GPR19: variants seen among roughly 807,000 people sequenced by gnomAD.
GPR19 encodes G protein-coupled receptor 19, also known as probable G protein-coupled receptor 19.
In GPR19, 14 loss-of-function variants were observed where a neutral mutation model predicts 28.5. The observed-to-expected ratio is 0.49, with a 90% CI of 0.32 to 0.77. The LOEUF is 0.77. Among genes scored for constraint, GPR19 ranks in the 30% least tolerant of loss-of-function variants. The pLI is 0.03. For missense variants in GPR19, 409 were observed against 504.1 expected (o/e 0.81, Z 1.81); for synonymous variants, 173 against 184.1 (o/e 0.94, Z 0.49).
upstream of GPR19, among the ~76,000 whole-genome samples, chr12:12,698,241 C>A (rs1946292126): frequency 6.6e-6 from 1 of 152,108 alleles, no homozygotes; most frequent in Non-Finnish European, 1.5e-5. Flanking sequence ...GAAAAAAAAT[C>A]TTTGGTGAGT....
At chr12:12,673,986 T>C (rs1392668059) in intron 3 of GPR19, among the ~76,000 whole-genome samples, 4 of 151,568 alleles carry the variant, frequency 2.6e-5, no homozygotes, top group African/African-American at 9.7e-5. Context: ...CCGAGGCAGG[T>C]GGATCACTTG....
intron 3 of GPR19, among the ~76,000 whole-genome samples, chr12:12,681,398 T>C (rs552750018): frequency 7.2e-5 from 11 of 152,338 alleles, no homozygotes; most frequent in African/African-American, 2.6e-4. Context: ...CACCTCTAGG[T>C]TGAAATCATA....
chr12:12,704,946 C>T, the GPR19 span, among the ~76,000 whole-genome samples: 1 of 152,108 alleles, frequency 6.6e-6, no homozygotes, highest in African/African-American at 2.4e-5. Flanking sequence ...GTCAAACAAT[C>T]TTATCCTGAG....
chr12:12,673,756 A>G (rs1945889191), intron 3 of GPR19, among the ~76,000 whole-genome samples: 1 of 152,180 alleles, frequency 6.6e-6, no homozygotes. Flanking sequence ...AAGGTGGGCA[A>G]AGGTAGGATG....
At chr12:12,669,836 G>A (rs1015028255) in intron 3 of GPR19, among the ~76,000 whole-genome samples, 2 of 152,152 alleles carry the variant, frequency 1.3e-5, no homozygotes, top group Non-Finnish European at 2.9e-5. Flanking sequence ...AAGCTCTTCT[G>A]AAGCTTCCTA....
chr12:12,713,950 A>G, the GPR19 span, among the ~76,000 whole-genome samples: 1 of 152,036 alleles, frequency 6.6e-6, no homozygotes, highest in South Asian at 2.1e-4. Flanking sequence ...ACCTCCTTAC[A>G]TAGTATGTAC....
At chr12:12,716,614 T>G in the GPR19 span, 1 of 183,400 alleles carries the variant, frequency 5.5e-6, no homozygotes, top group South Asian at 2.8e-4. Context: ...GAGTTTTTTG[T>G]TTTTTTTTTT....
the GPR19 span, chr12:12,717,222 G>A: frequency 2.9e-6 from 3 of 1,050,478 alleles, no homozygotes; most frequent in South Asian, 4.5e-5. Context: ...TCGGGGAGGC[G>A]GCGCGCTCGG....
At chr12:12,671,401 C>T (rs971945844) in intron 3 of GPR19, among the ~76,000 whole-genome samples, 1 of 152,066 alleles carries the variant, frequency 6.6e-6, no homozygotes, top group African/African-American at 2.4e-5. Context: ...CCTGAAACTC[C>T]TGGTGCCACA....
chr12:12,683,255 G>A (rs1377188154), intron 3 of GPR19, among the ~76,000 whole-genome samples: 1 of 152,226 alleles, frequency 6.6e-6, no homozygotes, highest in African/African-American at 2.4e-5. Flanking sequence ...TGGGGGTACA[G>A]AATGTGACTA....
At chr12:12,686,962 G>A (rs566919682) in intron 2 of GPR19, among the ~76,000 whole-genome samples, 1 of 152,250 alleles carries the variant, frequency 6.6e-6, no homozygotes, top group African/African-American at 2.4e-5. Context: ...CATAAAACAT[G>A]TTACATAATA....
rs141635239 is a variant in GPR19 at position 12,661,927 on chromosome 12, C to T, written c.522G>A (p.Lys174=). ...FYTIVYPLSF[K]VSREKAKKMI... is the part of the protein sequence containing the mutation. ...TTTTCTTGGCTTTTTCTCTGGACAC[C>T]TTGAAGCTCAGAGGATAGACGATGG... The change falls in exon 4 of 4, where the codon AAG becomes AAA. Residue 174 remains lysine, a synonymous_variant. Coordinates refer to ENST00000651487, the MANE Select transcript of GPR19 (RefSeq NM_006143.3). This position sits in a 1 kb window ranked among gnomAD's most constrained non-coding sequence, Gnocchi z 4.2. The T allele has an allele frequency of 6.1e-5, 98 of 1,614,236 alleles. No individual in the cohort carries two copies. The African/African-American group carries it at 1.1e-3, about 18-fold the overall frequency.
chr12:12,677,289 C>A (rs2136326980), intron 3 of GPR19, among the ~76,000 whole-genome samples: 1 of 151,912 alleles, frequency 6.6e-6, no homozygotes, highest in African/African-American at 2.4e-5. Context: ...TCACTGCAAC[C>A]TCTGCCTCCT....
In GPR19 at chr12:12,661,828, G is replaced by C; in HGVS notation, c.621C>G (p.Asp207Glu). The C allele has an allele frequency of 6.2e-7, 1 of 1,614,092 alleles. No homozygotes were observed. Among genetic ancestry groups the C allele is most frequent in the South Asian group, 1.1e-5 (1 of 91,070 alleles). The part of the protein sequence containing the change: ...PVLFFYGSNW[D>E]SHCNYFLPSS... ...AGGGGAGGAAATAGTTACAATGACT[G>C]TCCCAGTTGGAGCCATAGAAAAAGA... Residue 207 changes from aspartate (D) to glutamate (E), a missense_variant, in exon 4 of 4, where the codon GAC becomes GAG. Physicochemically the swap from Asp to Glu is conservative, Grantham distance 45. Coordinates refer to ENST00000651487, the MANE Select transcript of GPR19 (RefSeq NM_006143.3). The surrounding 1 kb of genome is among the most constrained non-coding windows in gnomAD (Gnocchi z 4.2).
At chr12:12,682,692 G>A (rs1360448457) in intron 3 of GPR19, among the ~76,000 whole-genome samples, 2 of 152,170 alleles carry the variant, frequency 1.3e-5, no homozygotes, top group East Asian at 1.9e-4. Context: ...ACGTCTTAAA[G>A]TACTGCGCAA....
chr12:12,697,855 A>G (rs965469871), upstream of GPR19, among the ~76,000 whole-genome samples: 5 of 152,226 alleles, frequency 3.3e-5, no homozygotes, highest in Non-Finnish European at 7.3e-5. Flanking sequence ...AAGTAACTTT[A>G]AAATTCCGCT....
At chr12:12,674,543 C>G (rs375911798) in intron 3 of GPR19, among the ~76,000 whole-genome samples, 1 of 152,028 alleles carries the variant, frequency 6.6e-6, no homozygotes, top group Admixed American at 6.6e-5. Context: ...GGGGATGACC[C>G]CTAGTTTTGA....
intron 3 of GPR19, among the ~76,000 whole-genome samples, chr12:12,682,847 A>T (rs1242420804): frequency 6.6e-6 from 1 of 152,222 alleles, no homozygotes; most frequent in Non-Finnish European, 1.5e-5. Flanking sequence ...AATTTCTAGC[A>T]GTTAAAAAAA....
intron 2 of GPR19, among the ~76,000 whole-genome samples, chr12:12,689,430 C>G (rs932683114): frequency 1.3e-5 from 2 of 152,064 alleles, no homozygotes; most frequent in Admixed American, 6.6e-5. Context: ...TAATTATACC[C>G]CCACTTCCCC....
Sources: gnomAD v4.1 joint callset for allele counts (sites outside exome capture counted in the v4.1 genomes callset) on GRCh38, gnomAD v4.1.1 for gene constraint, Gnocchi (gnomAD v3.1) non-coding constraint, MANE v1.5 for transcripts, NCBI Gene and HGNC (gene_info 2026-07-23, HGNC 2026-07-21) for gene names.